The following RUNX2 variants were observed in gnomAD, a reference collection of about 807,000 sequenced individuals.
RUNX2 encodes runt-related transcription factor 2.
Under a neutral mutation model 51.7 loss-of-function variants are expected in RUNX2, and 10 were observed. The observed-to-expected ratio is 0.19, with a 90% CI of 0.12 to 0.33. The LOEUF is 0.33. Ranked by LOEUF, RUNX2 falls within the 10% of genes least tolerant of loss-of-function variation. RUNX2 has a pLI of 1.00. For missense variants in RUNX2, 562 were observed against 691.3 expected, an observed-to-expected ratio of 0.81 and a Z score of 2.10; for synonymous variants, 276 against 273.6, an observed-to-expected ratio of 1.01 and a Z score of -0.09.
rs79425936 is a variant in RUNX2 at position 45,398,201 on chromosome 6, C to T, written c.59-24392C>T. ...AAAGTTACTTAGCCTGTTTATTAGG[C>T]CCCGGGTTCCTCACCTATTAACTGT... On this transcript the variant is annotated intron_variant, in intron 2 of 8. Coordinates refer to ENST00000647337, the MANE Select transcript of RUNX2 (RefSeq NM_001024630.4). 6.9e-3 allele frequency among the ~76,000 whole-genome samples: 1,055 copies of T among 152,250 alleles called. 18 individuals carry two copies. The highest frequency in any genetic ancestry group is 0.024 in the African/African-American group (1,010 of 41,542).
chr6:45,519,577 C>T (rs1001388899), intron 7 of RUNX2, among the ~76,000 whole-genome samples: 6 of 152,020 alleles, frequency 3.9e-5, no homozygotes, highest in African/African-American at 7.3e-5. Flanking sequence ...CTGGCAACCA[C>T]AGATTCTTTT....
chr6:45,344,985 T>C (rs1043773518), intron 2 of RUNX2, among the ~76,000 whole-genome samples: 2 of 152,152 alleles, frequency 1.3e-5, no homozygotes, highest in Admixed American at 6.6e-5. Context: ...TAGAAATCTG[T>C]TTCACCTAGC....
intron 2 of RUNX2, among the ~76,000 whole-genome samples, chr6:45,334,520 G>A (rs1269800248): frequency 6.9e-6 from 1 of 145,066 alleles, no homozygotes; most frequent in Non-Finnish European, 1.5e-5. Context: ...AATAAGGTTT[G>A]AATACATATA....
At chr6:45,333,650 A>G (rs756887389) in intron 2 of RUNX2, among the ~76,000 whole-genome samples, 30 of 151,328 alleles carry the variant, frequency 2.0e-4, no homozygotes, top group Non-Finnish European at 3.7e-4. Flanking sequence ...AAAAACAATC[A>G]TTTTTTATAT....
At chr6:45,417,313 T>C (rs1798084622) in intron 2 of RUNX2, among the ~76,000 whole-genome samples, 1 of 150,518 alleles carries the variant, frequency 6.6e-6, no homozygotes, top group South Asian at 2.2e-4. Flanking sequence ...GTTAATGTGT[T>C]CCCACTATAT....
chr6:45,514,517 C>T (rs1490544166), intron 7 of RUNX2, among the ~76,000 whole-genome samples: 1 of 152,110 alleles, frequency 6.6e-6, no homozygotes, highest in African/African-American at 2.4e-5. Flanking sequence ...CTGGAGTTGT[C>T]ACTGGTAAAG....
chr6:45,328,499 G>A (rs1186731680), intron 1 of RUNX2, 39 bp downstream of exon 1: 1 of 1,525,780 alleles, frequency 6.6e-7, no homozygotes, highest in South Asian at 1.1e-5. Flanking sequence ...AGTAATAGTA[G>A]GTCCTTCAAA....
chr6:45,486,124 A>G (rs1800276806), intron 5 of RUNX2, among the ~76,000 whole-genome samples: 1 of 152,166 alleles, frequency 6.6e-6, no homozygotes, highest in Non-Finnish European at 1.5e-5. Context: ...AATAAGAAGG[A>G]CATTTTTCTA....
chr6:45,398,934 T>C (rs1797638248), intron 2 of RUNX2, among the ~76,000 whole-genome samples: 1 of 152,212 alleles, frequency 6.6e-6, no homozygotes, highest in Non-Finnish European at 1.5e-5. Context: ...TTTAATATAA[T>C]ATCTATGTAA....
intron 7 of RUNX2, among the ~76,000 whole-genome samples, chr6:45,519,435 G>T (rs1582199401): frequency 6.6e-6 from 1 of 152,070 alleles, no homozygotes; most frequent in Non-Finnish European, 1.5e-5. Context: ...TCTTTGTGTT[G>T]TGCAGTTCTA....
chr6:45,379,749 C>G (rs1384177693), intron 2 of RUNX2, among the ~76,000 whole-genome samples: 1 of 152,048 alleles, frequency 6.6e-6, no homozygotes, highest in African/African-American at 2.4e-5. Context: ...GCCTGTAGTC[C>G]CAGCTACTCG....
intron 2 of RUNX2, chr6:45,365,152 T>A: frequency 8.8e-7 from 1 of 1,132,982 alleles, no homozygotes; most frequent in Non-Finnish European, 1.3e-6. Context: ...TCTTTCAACA[T>A]GAATAAATTT....
rs923023175 is a variant in RUNX2 at position 45,422,972 on chromosome 6, C to T, written c.423+15C>T. On this transcript the variant is annotated intron_variant, in intron 3 of 8. Coordinates refer to ENST00000647337, the MANE Select transcript of RUNX2 (RefSeq NM_001024630.4). ...TGGCCTTCAAGGTAAGAGGCTACAC[C>T]GCCCCCCGCCCCCGGCCGGGAGCGG... The T allele has an allele frequency of 6.9e-6, 11 of 1,605,558 alleles. No homozygotes were observed. Among genetic ancestry groups the T allele is most frequent in the African/African-American group, 1.3e-5 (1 of 74,868 alleles).
At chr6:45,386,911 A>AT (rs34922591) in intron 2 of RUNX2, among the ~76,000 whole-genome samples, 8 of 152,160 alleles carry the variant, frequency 5.3e-5, no homozygotes, top group African/African-American at 1.9e-4. Context: ...CCTTGGAATA[A>AT]TTTTTTTTAA....
chr6:45,396,867 T>A (rs1342718164), intron 2 of RUNX2, among the ~76,000 whole-genome samples: 2 of 152,192 alleles, frequency 1.3e-5, no homozygotes, highest in Non-Finnish European at 2.9e-5. Flanking sequence ...AATAACAATA[T>A]CCATTGAACA....
chr6:45,452,197 A>C (rs1799193069), intron 5 of RUNX2, among the ~76,000 whole-genome samples: 1 of 152,260 alleles, frequency 6.6e-6, no homozygotes, highest in South Asian at 2.1e-4. Flanking sequence ...GGGAGAAATT[A>C]AAAACATTTC....
rs190842983 is a variant in RUNX2, at chr6:45,419,775, G to A, written c.59-2818G>A. On this transcript the variant is annotated intron_variant, in intron 2 of 8. Coordinates refer to ENST00000647337, the MANE Select transcript of RUNX2 (RefSeq NM_001024630.4). ...CCAGTTGGTCCGGTCTGGCTAAATG[G>A]GTTCTCGCACCCTGGCGGCGCCCGG... Among the ~76,000 whole-genome samples the A allele has an allele frequency of 8.2e-4, 125 of 152,296 alleles. 1 individual carries two copies. The East Asian group carries it at 0.02, about 24-fold the overall frequency.
intron 2 of RUNX2, among the ~76,000 whole-genome samples, chr6:45,414,987 A>G (rs1361014033): frequency 6.6e-6 from 1 of 151,940 alleles, no homozygotes; most frequent in East Asian, 1.9e-4. Flanking sequence ...TCTTTAAAAT[A>G]TATGTCCTCT....
intron 2 of RUNX2, among the ~76,000 whole-genome samples, chr6:45,404,281 G>C (rs797018898): frequency 2.6e-5 from 2 of 76,284 alleles, no homozygotes; most frequent in Non-Finnish European, 2.7e-5. Flanking sequence ...AAAAGAAAAA[G>C]AAAAAAGAAA....
Sources: gnomAD v4.1 joint callset for allele counts (sites outside exome capture counted in the v4.1 genomes callset) on GRCh38, gnomAD v4.1.1 for gene constraint, MANE v1.5 for transcripts, NCBI Gene and HGNC (gene_info 2026-07-23, HGNC 2026-07-21) for gene names.